The following PCED1B variants were observed in gnomAD, a reference collection of about 807,000 sequenced individuals.
The protein encoded by PCED1B is PC-esterase domain containing 1B, also known as PC-esterase domain-containing protein 1B.
For missense variants in PCED1B, 573 were observed against 573.9 expected, an observed-to-expected ratio of 1.00 and a Z score of 0.02; for synonymous variants, 251 against 246.1, an observed-to-expected ratio of 1.02 and a Z score of -0.19.
intron 3 of PCED1B, among the ~76,000 whole-genome samples, chr12:47,222,199 C>G (rs1943502128): frequency 6.6e-6 from 1 of 150,680 alleles, no homozygotes; most frequent in African/African-American, 2.4e-5. Context: ...GAGGGTGGAT[C>G]ACCTGAGGTC....
At chr12:47,138,826 C>G (rs1029573847) in intron 2 of PCED1B, among the ~76,000 whole-genome samples, 1 of 152,196 alleles carries the variant, frequency 6.6e-6, no homozygotes, top group Non-Finnish European at 1.5e-5. Context: ...GCAAACCAGG[C>G]TGCCACTTGT....
chr12:47,201,863 G>C (rs1480512633), intron 2 of PCED1B, among the ~76,000 whole-genome samples: 1 of 152,162 alleles, frequency 6.6e-6, no homozygotes, highest in Admixed American at 6.5e-5. Flanking sequence ...GCCTCTCGAA[G>C]TGCTGGAATT....
At chr12:47,122,251 G>C (rs1429967722) in intron 2 of PCED1B, among the ~76,000 whole-genome samples, 1 of 148,378 alleles carries the variant, frequency 6.7e-6, no homozygotes, top group African/African-American at 2.6e-5. Context: ...ATACAATCTA[G>C]TGATTCACTC....
At chr12:47,202,060 CA>C (rs1942780552) in intron 2 of PCED1B, among the ~76,000 whole-genome samples, 1 of 152,112 alleles carries the variant, frequency 6.6e-6, no homozygotes, top group Non-Finnish European at 1.5e-5. Context: ...TACAAATATA[CA>C]GTTATCTATA....
intron 2 of PCED1B, among the ~76,000 whole-genome samples, chr12:47,128,908 G>C (rs1020928448): frequency 6.6e-6 from 1 of 152,182 alleles, no homozygotes; most frequent in African/African-American, 2.4e-5. Context: ...TTTTTATAAG[G>C]ACACTTGGGA....
At chr12:47,191,847 C>T (rs1440528206) in intron 2 of PCED1B, among the ~76,000 whole-genome samples, 3 of 151,742 alleles carry the variant, frequency 2.0e-5, no homozygotes, top group African/African-American at 7.3e-5. Flanking sequence ...TGATGAGAAC[C>T]ACTTGCCTGC....
At chr12:47,083,068 C>T (rs1937819183) in intron 1 of PCED1B, among the ~76,000 whole-genome samples, 1 of 150,264 alleles carries the variant, frequency 6.7e-6, no homozygotes, top group African/African-American at 2.5e-5. Flanking sequence ...CTGCCTGAGG[C>T]AGTAATTTGA....
At chr12:47,160,394 G>A (rs1001530660) in intron 2 of PCED1B, among the ~76,000 whole-genome samples, 6 of 144,400 alleles carry the variant, frequency 4.2e-5, no homozygotes, top group Admixed American at 1.4e-4. Context: ...CGAACACTTG[G>A]CCTCAAGCAC....
At chr12:47,172,427 C>A (rs540332719) in intron 2 of PCED1B, among the ~76,000 whole-genome samples, 2 of 147,774 alleles carry the variant, frequency 1.4e-5, no homozygotes, top group Non-Finnish European at 3.0e-5. Context: ...CGAGATTGCA[C>A]CATGGCACAT....
At chr12:47,086,926 C>G (rs952997926) in intron 1 of PCED1B, among the ~76,000 whole-genome samples, 5 of 152,192 alleles carry the variant, frequency 3.3e-5, no homozygotes, top group Non-Finnish European at 5.9e-5. Context: ...TAAAGGGAAT[C>G]TAATTATTCA....
chr12:47,110,173 T>A (rs1209363518), intron 2 of PCED1B, among the ~76,000 whole-genome samples: 1 of 152,170 alleles, frequency 6.6e-6, no homozygotes, highest in Non-Finnish European at 1.5e-5. Context: ...GTGCTTTTGT[T>A]GAGCTGAAAA....
At chr12:47,161,246 AT>A (rs1464681950) in intron 2 of PCED1B, among the ~76,000 whole-genome samples, 1 of 152,220 alleles carries the variant, frequency 6.6e-6, no homozygotes, top group Admixed American at 6.5e-5. Flanking sequence ...ATGGTGTTAG[AT>A]AAGGCGACAT....
At chr12:47,199,308 C>T (rs1942696780) in intron 2 of PCED1B, among the ~76,000 whole-genome samples, 1 of 152,126 alleles carries the variant, frequency 6.6e-6, no homozygotes, top group South Asian at 2.1e-4. Flanking sequence ...CTCATGCTAC[C>T]AGTTATTCCT....
In PCED1B at chr12:47,235,813, C is replaced by T. The variant is rs375543990; in HGVS notation, c.750C>T (p.Asp250=). Residue 250 remains aspartate, a synonymous_variant, in exon 4 of 4, where the codon GAC becomes GAT. Coordinates refer to ENST00000546455, the MANE Select transcript of PCED1B (RefSeq NM_138371.3). ...LSQLLLAHVA[D]AWGVELPHRH... is the part of the protein sequence containing the mutation. The stretch of plus-strand genomic sequence containing the variant: ...AGCTGCTGCTGGCCCACGTGGCCGA[C>T]GCCTGGGGTGTGGAGCTGCCCCACC... 7.0e-6 allele frequency: 11 copies of T among 1,576,386 alleles called. No homozygotes were observed. In the East Asian group the frequency reaches 7.0e-5, roughly 10 times the overall value.
At chr12:47,151,136 T>C (rs55651541) in intron 2 of PCED1B, among the ~76,000 whole-genome samples, 89,937 of 150,268 alleles carry the variant, frequency 0.6, 28,010 homozygotes, top group South Asian at 0.71. Context: ...ATATAATATA[T>C]ACACACACAC....
At chr12:47,200,152 ACCACTGCACT>A (rs908302487) in intron 2 of PCED1B, among the ~76,000 whole-genome samples, 5 of 152,028 alleles carry the variant, frequency 3.3e-5, no homozygotes, top group Admixed American at 2.6e-4. Flanking sequence ...CCAAGTTCAC[ACCACTGCACT>A]CCAGCCTGGG....
intron 2 of PCED1B, among the ~76,000 whole-genome samples, chr12:47,191,441 A>G (rs1942435979): frequency 6.6e-6 from 1 of 152,192 alleles, no homozygotes; most frequent in African/African-American, 2.4e-5. Flanking sequence ...TAAGATCTCA[A>G]AAGATTATTT....
chr12:47,153,931 TG>T (rs1448565091), intron 2 of PCED1B, among the ~76,000 whole-genome samples: 1 of 152,228 alleles, frequency 6.6e-6, no homozygotes, highest in Non-Finnish European at 1.5e-5. Flanking sequence ...CTACAATCTC[TG>T]CCCCTTTCCA....
intron 2 of PCED1B, among the ~76,000 whole-genome samples, chr12:47,114,042 T>C (rs2137275086): frequency 6.6e-6 from 1 of 152,300 alleles, no homozygotes; most frequent in South Asian, 2.1e-4. Context: ...TAGTTCTTTC[T>C]TCCTCTTGTG....
Sources: gnomAD v4.1 joint callset for allele counts (sites outside exome capture counted in the v4.1 genomes callset) on GRCh38, gnomAD v4.1.1 for gene constraint, MANE v1.5 for transcripts, NCBI Gene and HGNC (gene_info 2026-07-23, HGNC 2026-07-21) for gene names.